SLC28A3: variants seen among roughly 807,000 people sequenced by gnomAD.
SLC28A3 encodes solute carrier family 28 member 3.
Under a neutral mutation model 84.2 loss-of-function variants are expected in SLC28A3, and 68 were observed. That is an observed-to-expected ratio of 0.81 (90% confidence interval 0.66 to 0.99). SLC28A3 has a LOEUF of 0.99. Ranked by LOEUF, SLC28A3 falls within the 50% of genes least tolerant of loss-of-function variation. The pLI, the probability that SLC28A3 is intolerant of heterozygous loss-of-function variation, is 0.00. For missense variants in SLC28A3, 712 were observed against 841.5 expected (o/e 0.85, Z 1.90); for synonymous variants, 267 against 303.6 (o/e 0.88, Z 1.25).
the SLC28A3 span, among the ~76,000 whole-genome samples, chr9:84,366,211 T>C: frequency 1.3e-5 from 2 of 152,104 alleles, no homozygotes; most frequent in African/African-American, 4.8e-5. Context: ...GCCAGTTGCA[T>C]TTTTCAGCTC....
chr9:84,356,005 A>T, the SLC28A3 span, among the ~76,000 whole-genome samples: 1 of 151,860 alleles, frequency 6.6e-6, no homozygotes, highest in South Asian at 2.1e-4. Context: ...AATTGCAGAG[A>T]TGGGGGTTTC....
intron 1 of SLC28A3, among the ~76,000 whole-genome samples, chr9:84,329,589 AAAG>A (rs1386224411): frequency 6.6e-6 from 1 of 152,216 alleles, no homozygotes; most frequent in Non-Finnish European, 1.5e-5. Context: ...CCAATGGATT[AAAG>A]AAGAAATCAT....
chr9:84,364,895 C>A, the SLC28A3 span, among the ~76,000 whole-genome samples: 74 of 152,268 alleles, frequency 4.9e-4, no homozygotes, highest in South Asian at 0.015. Context: ...TGTATATGAA[C>A]CACATTTTCT....
At chr9:84,347,222 A>AT in the SLC28A3 span, among the ~76,000 whole-genome samples, 1 of 149,586 alleles carries the variant, frequency 6.7e-6, no homozygotes, top group African/African-American at 2.5e-5. Context: ...AAAAAAAAAA[A>AT]AAAAAAAGGG....
chr9:84,323,281 T>C (rs117479996), intron 1 of SLC28A3, among the ~76,000 whole-genome samples: 3,054 of 152,344 alleles, frequency 0.02, 75 homozygotes, highest in Non-Finnish European at 0.033. Flanking sequence ...AGTATTAGTA[T>C]ACCTATTTTT....
At chr9:84,340,283 G>A (rs922711260) in intron 1 of SLC28A3, among the ~76,000 whole-genome samples, 32 of 152,138 alleles carry the variant, frequency 2.1e-4, no homozygotes, top group African/African-American at 5.6e-4. Flanking sequence ...AAAAGTGCCT[G>A]AAGATAAATA....
chr9:84,340,660 G>T lies in SLC28A3; in HGVS notation c.-27C>A. The T allele has an allele frequency of 6.2e-7, 1 of 1,613,984 alleles. No individual in the cohort carries two copies. The highest frequency in any genetic ancestry group is 1.7e-4 in the Middle Eastern group (1 of 6,058). ...CTCTTTTTGCTGCTGGCTGGCTCTG[G>T]TCTGGAGGTCCTTTGTACCTGGGAA... is the stretch of plus-strand genomic sequence containing the variant. On this transcript the variant is annotated 5_prime_UTR_variant, in exon 1 of 18. Transcript: ENST00000376238.
chr9:84,357,832 C>G, the SLC28A3 span, among the ~76,000 whole-genome samples: 1 of 152,172 alleles, frequency 6.6e-6, no homozygotes, highest in Non-Finnish European at 1.5e-5. Context: ...GGCTTTCTGC[C>G]TTGAAGATGT....
chr9:84,320,040 G>GTTTTTTGTTTTTTTTTTTTT, intron 1 of SLC28A3, among the ~76,000 whole-genome samples: 1 of 59,566 alleles, frequency 1.7e-5, no homozygotes, highest in Non-Finnish European at 3.0e-5. Context: ...GGCTTGCACT[G>GTTTTTTGTTTTTTTTTTTTT]TTTTTTTTTT....
the SLC28A3 span, among the ~76,000 whole-genome samples, chr9:84,350,655 A>C: frequency 6.6e-6 from 1 of 152,128 alleles, no homozygotes; most frequent in Non-Finnish European, 1.5e-5. Context: ...TTATACACTT[A>C]GGTTACACCA....
Position 84,302,217 on chromosome 9 carries a change from A to G in SLC28A3, c.507T>C (p.His169=). 6.2e-7 allele frequency: 1 copy of G among 1,614,072 alleles called. No individual in the cohort carries two copies. Among genetic ancestry groups the G allele is most frequent in the Non-Finnish European group, 8.5e-7 (1 of 1,179,982 alleles). ...GCATTTACCACTTCAGCCAGAACCA[A>G]TGGCTGTTTAGAAGCCTTCTGCCAG... ...LSPGRRLLNS[H]WFWLKWVIWS... Residue 169 remains histidine (H), a synonymous_variant, in exon 5 of 18, where the codon CAT becomes CAC. Coordinates refer to ENST00000376238, the MANE Select transcript of SLC28A3 (RefSeq NM_001199633.2).
intron 4 of SLC28A3, 69 bp from the exon 5 acceptor site, chr9:84,302,458 T>C: frequency 6.6e-7 from 1 of 1,515,954 alleles, no homozygotes; most frequent in Non-Finnish European, 9.0e-7. Context: ...GCTCCAGCCT[T>C]GTTCTGGCGC....
the SLC28A3 span, among the ~76,000 whole-genome samples, chr9:84,362,987 T>G: frequency 6.6e-6 from 1 of 152,192 alleles, no homozygotes; most frequent in Non-Finnish European, 1.5e-5. Context: ...CTGGAATAAC[T>G]GTAATGTAAT....
At chr9:84,320,043 T>TTTG in intron 1 of SLC28A3, among the ~76,000 whole-genome samples, 1 of 87,516 alleles carries the variant, frequency 1.1e-5, no homozygotes, top group Non-Finnish European at 2.3e-5. Flanking sequence ...TTGCACTGTT[T>TTTG]TTTTTTTTTT....
At chr9:84,359,871 C>T in the SLC28A3 span, among the ~76,000 whole-genome samples, 6 of 151,722 alleles carry the variant, frequency 4.0e-5, no homozygotes, top group South Asian at 4.2e-4. Flanking sequence ...CATGGTGGCA[C>T]GTGCCTGTAT....
At chr9:84,316,969 C>G (rs1826189156) in intron 1 of SLC28A3, among the ~76,000 whole-genome samples, 1 of 151,712 alleles carries the variant, frequency 6.6e-6, no homozygotes, top group African/African-American at 2.4e-5. Context: ...CCAGTGCACT[C>G]CAGCCCGGGC....
chr9:84,278,322 C>A lies in SLC28A3; in HGVS notation c.1972G>T (p.Glu658Ter). The A allele has an allele frequency of 6.2e-7, 1 of 1,614,100 alleles. No homozygotes were observed. The highest frequency in any genetic ancestry group is 2.2e-5 in the East Asian group (1 of 44,872). ...CTGTGGTTTCCTCCTGGGATGACTT[C>A]ACCAGGACCCTTGGCAACAGTGCTG... ...LSSTVAKGPG[E>*]VIPGGNHSLY... Residue 658 changes from glutamate to a stop codon, truncating the protein, a stop_gained, in exon 18 of 18, where the codon GAA becomes TAA. Transcript: ENST00000376238. LOFTEE classifies it high-confidence loss of function.
In SLC28A3 at chr9:84,278,092, C is replaced by T. The variant is rs1339173830; in HGVS notation, c.*126G>A. 1.6e-6 allele frequency: 2 copies of T among 1,271,206 alleles called. No individual in the cohort carries two copies. The highest frequency in any genetic ancestry group is 2.1e-6 in the Non-Finnish European group (2 of 941,914). The allele number at this position is 1,271,206 out of a possible 1,614,324, so 78.7% of individuals were successfully genotyped here. A position where few individuals can be genotyped will look rare whatever the true frequency, so the allele number is the denominator to read the frequency against. On this transcript the variant is annotated 3_prime_UTR_variant, in exon 18 of 18. Transcript: ENST00000376238. The stretch of plus-strand genomic sequence containing the variant: ...GGTCCACTCTTGTTTTTCTTCATTC[C>T]TTGCAATTAAAGCTGATTCCATTAT...
chr9:84,299,820 TC>T, intron 5 of SLC28A3, 95 bp from the exon 6 acceptor site: 2 of 1,370,928 alleles, frequency 1.5e-6, no homozygotes, highest in South Asian at 1.5e-5. Context: ...AGAGATGGAG[TC>T]TTGCTCTGTT....
Sources: gnomAD v4.1 joint callset for allele counts (sites outside exome capture counted in the v4.1 genomes callset) on GRCh38, gnomAD v4.1.1 for gene constraint, MANE v1.5 for transcripts, NCBI Gene and HGNC (gene_info 2026-07-23, HGNC 2026-07-21) for gene names.